The following UCMA variants were observed in gnomAD, a reference collection of about 807,000 sequenced individuals.
UCMA encodes the protein upper zone of growth plate and cartilage matrix associated, also known as upper zone of growth plate and cartilage matrix-associated protein.
UCMA carries 21 observed loss-of-function variants against 21.8 expected under a neutral mutation model. The observed-to-expected ratio is 0.97, with a 90% confidence interval of 0.68 to 1.39. The LOEUF is 1.39. UCMA is among the 40% of genes most tolerant of loss of function. The pLI, the probability that UCMA is intolerant of heterozygous loss-of-function variation, is 0.00. For missense variants in UCMA, 193 were observed against 178.9 expected, an observed-to-expected ratio of 1.08 and a Z score of -0.45; for synonymous variants, 76 against 67.9, an observed-to-expected ratio of 1.12 and a Z score of -0.58.
rs35217195 is a variant in UCMA, at chr10:13,226,198, AT to A, written c.319+3412del. Among the ~76,000 whole-genome samples the A allele has an allele frequency of 8.0e-3, 1,130 of 140,376 alleles. 4 individuals are homozygous for A. Among genetic ancestry groups the A allele is most frequent in the African/African-American group, 0.018 (670 of 38,040 alleles). The allele number at this position is 140,376 out of a possible 152,430, so 92.1% of individuals were successfully genotyped here. A position where few individuals can be genotyped will look rare whatever the true frequency, so the allele number is the denominator to read the frequency against. ...CCTCAGTTTTTTATTTTTGTTGTGG[AT>A]TTTTTTTTTTTTTTGAGACAGGGTC... On this transcript the variant is annotated intron_variant, in intron 4 of 4. Transcript: ENST00000378681.
At chr10:13,231,310 A>T (rs1489079129) in intron 3 of UCMA, among the ~76,000 whole-genome samples, 1 of 152,152 alleles carries the variant, frequency 6.6e-6, no homozygotes, top group African/African-American at 2.4e-5. Flanking sequence ...ATCCATACCC[A>T]TGCCCCACCT....
At chr10:13,228,374 G>GA (rs1395927751) in intron 4 of UCMA, among the ~76,000 whole-genome samples, 6 of 152,078 alleles carry the variant, frequency 3.9e-5, no homozygotes, top group Non-Finnish European at 7.4e-5. Flanking sequence ...TGCTAGTAAG[G>GA]AAAAGACCAA....
At chr10:13,222,687 C>A (rs1184138080) in intron 4 of UCMA, among the ~76,000 whole-genome samples, 1 of 149,274 alleles carries the variant, frequency 6.7e-6, no homozygotes, top group Non-Finnish European at 1.5e-5. Flanking sequence ...TTTTTTCTTT[C>A]TTTCTTGTTT....
intron 3 of UCMA, among the ~76,000 whole-genome samples, chr10:13,231,548 A>C (rs912738562): frequency 2.6e-5 from 4 of 152,182 alleles, no homozygotes; most frequent in Admixed American, 1.3e-4. Flanking sequence ...GCAGGTACTT[A>C]GTAAGTCACT....
rs1208766533 is a variant in UCMA, at chr10:13,221,940, A to G, written c.*163T>C. On this transcript the variant is annotated 3_prime_UTR_variant, in exon 5 of 5. Coordinates refer to ENST00000378681, the MANE Select transcript of UCMA (RefSeq NM_145314.3). ...AAGAGGTGAAAGTCAGGACACTTTC[A>G]CACACTGGAAGGAAAGGCATGCGTC... The G allele has an allele frequency of 2.9e-6, 2 of 679,572 alleles. No homozygotes were observed. Among genetic ancestry groups the G allele is most frequent in the Non-Finnish European group, 5.1e-6 (2 of 395,796 alleles). 42.1% of individuals were successfully genotyped at this position (679,572 alleles called of 1,614,324 possible).
intron 4 of UCMA, among the ~76,000 whole-genome samples, chr10:13,225,531 A>C (rs2131603002): frequency 6.6e-6 from 1 of 151,864 alleles, no homozygotes; most frequent in Admixed American, 6.6e-5. Flanking sequence ...AAAAATTAGC[A>C]AGGCGTGGTG....
chr10:13,226,809 G>A (rs571630461), intron 4 of UCMA, among the ~76,000 whole-genome samples: 2 of 152,276 alleles, frequency 1.3e-5, no homozygotes, highest in African/African-American at 4.8e-5. Context: ...AGGGTCTCCT[G>A]TCTTCCTATC....
Position 13,221,995 on chromosome 10 carries a change from C to G in UCMA, c.*108G>C. On this transcript the variant is annotated 3_prime_UTR_variant, in exon 5 of 5. Transcript: ENST00000378681. Reference sequence around the variant, plus strand: ...CAAGAGCTGCTGGCCACTGCAGACCCCAAGCTGAGACCCTCTGAAGGGCCG... The same window carrying G: ...CAAGAGCTGCTGGCCACTGCAGACCGCAAGCTGAGACCCTCTGAAGGGCCG... 2 of 1,176,614 alleles carry G rather than the reference C, an allele frequency of 1.7e-6. No individual in the cohort carries two copies. Among genetic ancestry groups the G allele is most frequent in the Non-Finnish European group, 1.2e-6 (1 of 804,852 alleles). 72.9% of individuals were successfully genotyped at this position (1,176,614 alleles called of 1,614,324 possible).
intron 3 of UCMA, among the ~76,000 whole-genome samples, chr10:13,232,008 C>T (rs1182437115): frequency 6.6e-6 from 1 of 152,188 alleles, no homozygotes; most frequent in Non-Finnish European, 1.5e-5. Flanking sequence ...GACTAATTGA[C>T]ACACTGAGCT....
chr10:13,226,740 G>T (rs1395869967), intron 4 of UCMA, among the ~76,000 whole-genome samples: 6 of 152,166 alleles, frequency 3.9e-5, no homozygotes, highest in Non-Finnish European at 7.3e-5. Context: ...AAGGACAACA[G>T]CTTCTGGAAC....
At chr10:13,227,856 C>T (rs1834844839) in intron 4 of UCMA, among the ~76,000 whole-genome samples, 1 of 151,314 alleles carries the variant, frequency 6.6e-6, no homozygotes, top group South Asian at 2.1e-4. Flanking sequence ...GAGGGTACTT[C>T]ACAGCAAAAT....
At chr10:13,229,235 C>T (rs1305259358) in intron 4 of UCMA, among the ~76,000 whole-genome samples, 1 of 152,122 alleles carries the variant, frequency 6.6e-6, no homozygotes, top group Non-Finnish European at 1.5e-5. Flanking sequence ...TGCGCCCGGC[C>T]CTCCCTTCTT....
intron 4 of UCMA, among the ~76,000 whole-genome samples, chr10:13,227,455 C>A (rs572110745): frequency 4.6e-5 from 7 of 152,182 alleles, no homozygotes; most frequent in African/African-American, 1.7e-4. Flanking sequence ...CGATGGCCCA[C>A]GCCTATAATC....
intron 3 of UCMA, among the ~76,000 whole-genome samples, chr10:13,230,507 C>T (rs1305891869): frequency 6.6e-6 from 1 of 152,124 alleles, no homozygotes; most frequent in Non-Finnish European, 1.5e-5. Context: ...CCCATGAAGC[C>T]AGGGAGGCCA....
intron 4 of UCMA, among the ~76,000 whole-genome samples, chr10:13,227,420 C>A (rs910281781): frequency 3.3e-5 from 5 of 152,100 alleles, no homozygotes. Flanking sequence ...TGGAGAAAGA[C>A]CAAATAAATA....
rs372811278 is a variant in UCMA, at chr10:13,221,978, G to C, written c.*125C>G. ...AAAGGCATGCGTCTTTTCAAGAGCT[G>C]CTGGCCACTGCAGACCCCAAGCTGA... is the stretch of plus-strand genomic sequence containing the variant. On this transcript the variant is annotated 3_prime_UTR_variant, in exon 5 of 5. Coordinates refer to ENST00000378681, the MANE Select transcript of UCMA (RefSeq NM_145314.3). 3.6e-5 allele frequency: 32 copies of C among 884,572 alleles called. No homozygotes were observed. In the African/African-American group the frequency reaches 4.8e-4, roughly 13 times the overall value. The allele number at this position is 884,572 out of a possible 1,614,324, so 54.8% of individuals were successfully genotyped here. A position where few individuals can be genotyped will look rare whatever the true frequency, so the allele number is the denominator to read the frequency against.
chr10:13,222,276 G>T lies in UCMA; in HGVS notation c.320-76C>A, dbSNP rs928058818. 3 of 1,399,480 alleles carry T rather than the reference G, an allele frequency of 2.1e-6. No homozygotes were observed. In the Admixed American group the frequency reaches 5.7e-5, roughly 27 times the overall value. 86.7% of individuals were successfully genotyped at this position (1,399,480 alleles called of 1,614,324 possible). ...CCACTGAGCCCAGCAGCCATCAGCC[G>T]AACCCCTGCCCTGTGGTGACCTGCA... On this transcript the variant is annotated intron_variant, in intron 4 of 4. Coordinates refer to ENST00000378681, the MANE Select transcript of UCMA (RefSeq NM_145314.3).
chr10:13,230,286 C>A (rs1021710786), intron 3 of UCMA, among the ~76,000 whole-genome samples: 1 of 152,126 alleles, frequency 6.6e-6, no homozygotes, highest in African/African-American at 2.4e-5. Flanking sequence ...CCACCTTAGG[C>A]AACAGAGCGA....
intron 2 of UCMA, 33 bp downstream of exon 2, chr10:13,233,702 C>T (rs372314571): frequency 5.0e-6 from 8 of 1,613,940 alleles, no homozygotes; most frequent in Non-Finnish European, 6.8e-6. Flanking sequence ...CTGGCTGCAC[C>T]TGCCCTGCCC....
Sources: gnomAD v4.1 joint callset for allele counts (sites outside exome capture counted in the v4.1 genomes callset) on GRCh38, gnomAD v4.1.1 for gene constraint, MANE v1.5 for transcripts, NCBI Gene and HGNC (gene_info 2026-07-23, HGNC 2026-07-21) for gene names.